The following C19orf18 variants were observed in gnomAD, a reference collection of about 807,000 sequenced individuals.
The protein encoded by C19orf18 is chromosome 19 open reading frame 18, also known as uncharacterized protein C19orf18.
C19orf18 carries 21 observed loss-of-function variants against 23.3 expected under a neutral mutation model. That is an observed-to-expected ratio of 0.90 (90% CI 0.64 to 1.30). The LOEUF is 1.30. C19orf18 is among the 50% of genes most tolerant of loss of function. C19orf18 has a pLI of 0.00. For synonymous variants in C19orf18, 96 were observed against 95.2 expected (o/e 1.01, Z -0.05); for missense variants, 249 against 259.6 (o/e 0.96, Z 0.28).
Position 57,974,139 on chromosome 19 carries a change from G to C in C19orf18, c.186C>G (p.Thr62=), listed in dbSNP as rs1018228411. The change falls in exon 2 of 6, where the codon ACC becomes ACG. Residue 62 remains threonine, a synonymous_variant. Coordinates refer to ENST00000314391, the MANE Select transcript of C19orf18 (RefSeq NM_152474.5). ...TKEPKVFFHK[T]QLPGIQGAAS... ...CAGCCCCTTGAATCCCAGGCAACTG[G>C]GTTTTATGAAAGAACACTTTGGGCT... The C allele has an allele frequency of 2.5e-6, 4 of 1,614,098 alleles. No individual in the cohort carries two copies. In the East Asian group the frequency reaches 6.7e-5, roughly 27 times the overall value.
At chr19:57,964,890 G>A (rs1372243216) in intron 4 of C19orf18, among the ~76,000 whole-genome samples, 1 of 152,202 alleles carries the variant, frequency 6.6e-6, no homozygotes, top group South Asian at 2.1e-4. Context: ...GGTCAGAACC[G>A]CATGAGATCA....
chr19:57,974,052 C>A (rs1200514330), intron 2 of C19orf18, 47 bp downstream of exon 2: 1 of 1,577,222 alleles, frequency 6.3e-7, no homozygotes, highest in Admixed American at 1.7e-5. Flanking sequence ...TAAGAGGACT[C>A]CAGGCTACGA....
intron 2 of C19orf18, 118 bp downstream of exon 2, chr19:57,973,981 T>G: frequency 1.1e-6 from 1 of 943,226 alleles, no homozygotes; most frequent in Non-Finnish European, 1.6e-6. Flanking sequence ...GTTTATCTAA[T>G]TATACTCTAT....
chr19:57,967,405 G>A (rs2072916365), intron 3 of C19orf18, among the ~76,000 whole-genome samples: 1 of 152,124 alleles, frequency 6.6e-6, no homozygotes, highest in African/African-American at 2.4e-5. Flanking sequence ...TGATACTACG[G>A]TGCCAGTTCA....
chr19:57,973,139 C>A (rs1369427514), intron 2 of C19orf18, among the ~76,000 whole-genome samples: 1 of 89,362 alleles, frequency 1.1e-5, no homozygotes, highest in Non-Finnish European at 2.0e-5. Context: ...GAGTGAGACT[C>A]CGTCTCAAAA....
At position 57,961,889 on chromosome 19, in the gene C19orf18, TCTC is replaced by T. The variant is rs369210770; in HGVS notation, c.372-341_372-339del. 8.5e-3 allele frequency among the ~76,000 whole-genome samples: 1,284 copies of T among 150,622 alleles called. 17 individuals are homozygous for T. The highest frequency in any genetic ancestry group is 0.029 in the African/African-American group (1,187 of 40,376). On this transcript the variant is annotated intron_variant, in intron 4 of 5. Coordinates refer to ENST00000314391, the MANE Select transcript of C19orf18 (RefSeq NM_152474.5). The stretch of plus-strand genomic sequence containing the variant: ...CATTCCTTTCTCTTCTCTTTTTCTT[TCTC>T]TTTTTTTTCCTTTTTCTTTCTTCTT...
rs767988889 is a variant in C19orf18, at chr19:57,974,357, A to G, written c.76T>C (p.Tyr26His). 2.5e-6 allele frequency: 4 copies of G among 1,614,068 alleles called. No homozygotes were observed. The highest frequency in any genetic ancestry group is 1.6e-4 in the Middle Eastern group (1 of 6,084). ...MECQLHLCLP[Y>H]ADGLHPTGNI... ...CCAGTGGGATGGAGTCCATCTGCAT[A>G]CGGCAAGCATAAATGAAGTTGGCAT... Residue 26 changes from tyrosine to histidine, a missense_variant, in exon 1 of 6, where the codon TAT (tyrosine) becomes CAT (histidine). Tyr to His is a moderately conservative substitution (Grantham distance 83). Transcript: ENST00000314391.
At chr19:57,966,502 C>T (rs369164495) in intron 4 of C19orf18, 28 bp downstream of exon 4, 410 of 1,378,374 alleles carry the variant, frequency 3.0e-4, no homozygotes, top group Non-Finnish European at 4.1e-4. Context: ...CATTTAAGGA[C>T]AGCAGATATT....
intron 3 of C19orf18, among the ~76,000 whole-genome samples, chr19:57,969,576 A>AAAAAAAAAAAAAAAAAAAAAAC (rs2072930964): frequency 3.2e-5 from 4 of 124,976 alleles, no homozygotes; most frequent in African/African-American, 5.3e-5. Context: ...GAAAAAAAAA[A>AAAAAAAAAAAAAAAAAAAAAAC]AAAAAAAAAA....
At chr19:57,959,925 C>T (rs1404499916) in intron 5 of C19orf18, among the ~76,000 whole-genome samples, 1 of 151,240 alleles carries the variant, frequency 6.6e-6, no homozygotes, top group Non-Finnish European at 1.5e-5. Flanking sequence ...GCCTGGCTAA[C>T]TGGTGAAACT....
chr19:57,973,871 G>A lies in C19orf18; in HGVS notation c.226+228C>T, dbSNP rs747728946. On this transcript the variant is annotated intron_variant, in intron 2 of 5. Transcript: ENST00000314391. ...GGATGGGATCAAGGTTTTTGTGTGC[G>A]CTTATTAAAGTGAAATGAAAAAGAG... Among the ~76,000 whole-genome samples the A allele has an allele frequency of 4.7e-5, 7 of 150,220 alleles. No homozygotes were observed. In the East Asian group the frequency reaches 7.7e-4, roughly 17 times the overall value.
In C19orf18 at chr19:57,962,582, G is replaced by A. The variant is rs556079090; in HGVS notation, c.372-1031C>T. ...AAAAAAATACTTTTAGGGGCCAGGC[G>A]CGGTGGCTCACGCCAGTAATCCCAG... On this transcript the variant is annotated intron_variant, in intron 4 of 5. Transcript: ENST00000314391. Among the ~76,000 whole-genome samples the A allele has an allele frequency of 7.9e-5, 12 of 152,268 alleles. 1 individual carries two copies. The East Asian group carries it at 2.1e-3, about 27-fold the overall frequency.
chr19:57,966,399 T>C, intron 4 of C19orf18, 131 bp downstream of exon 4: 1 of 611,604 alleles, frequency 1.6e-6, no homozygotes, highest in East Asian at 2.8e-5. Flanking sequence ...AACACTAATC[T>C]GGAAATTTAT....
chr19:57,972,636 A>T (rs1222186048), intron 2 of C19orf18, 132 bp from the exon 3 acceptor site: 1 of 973,234 alleles, frequency 1.0e-6, no homozygotes, highest in East Asian at 2.6e-5. Flanking sequence ...CTAAGATGGG[A>T]TGTGTTAATA....
At chr19:57,973,492 G>A (rs576675030) in intron 2 of C19orf18, among the ~76,000 whole-genome samples, 5 of 152,162 alleles carry the variant, frequency 3.3e-5, no homozygotes, top group Admixed American at 6.5e-5. Context: ...TTGAGAGGCC[G>A]AGGCGGGCGG....
rs994190970 is a variant in C19orf18, at chr19:57,974,406, G to A, written c.27C>T (p.Leu9=). 3 of 1,613,854 alleles carry A rather than the reference G, an allele frequency of 1.9e-6. No individual in the cohort carries two copies. The highest frequency in any genetic ancestry group is 1.3e-5 in the African/African-American group (1 of 74,896). The change falls in exon 1 of 6, where the codon CTC becomes CTT. Residue 9 remains leucine, a synonymous_variant. Transcript: ENST00000314391. MDKVQSGF[L]ILFLFLMECQ... Reference sequence around the variant, plus strand: ...ATTCCATTAAAAACAAAAACAAAATGAGGAAACCACTCTGAACCTTGTCCA... The same window carrying A: ...ATTCCATTAAAAACAAAAACAAAATAAGGAAACCACTCTGAACCTTGTCCA...
At chr19:57,959,690 G>A (rs2072851887) in intron 5 of C19orf18, among the ~76,000 whole-genome samples, 1 of 151,706 alleles carries the variant, frequency 6.6e-6, no homozygotes, top group South Asian at 2.1e-4. Flanking sequence ...AGCAACTCAG[G>A]AGGCTGAGGT....
chr19:57,963,868 C>A (rs1476614386), intron 4 of C19orf18, among the ~76,000 whole-genome samples: 1 of 152,034 alleles, frequency 6.6e-6, no homozygotes, highest in Non-Finnish European at 1.5e-5. Context: ...CCAGCCTGGG[C>A]AACAGAGCAA....
chr19:57,969,566 G>GGAAAAAAAAAAA (rs2072930123), intron 3 of C19orf18, among the ~76,000 whole-genome samples: 3 of 46,498 alleles, frequency 6.5e-5, no homozygotes, highest in African/African-American at 2.9e-4. Context: ...AAAAAAAACA[G>GGAAAAAAAAAAA]AAAAAAAAAA....
Sources: gnomAD v4.1 joint callset for allele counts (sites outside exome capture counted in the v4.1 genomes callset) on GRCh38, gnomAD v4.1.1 for gene constraint, MANE v1.5 for transcripts, NCBI Gene and HGNC (gene_info 2026-07-23, HGNC 2026-07-21) for gene names.